RBM4: variants seen among roughly 807,000 people sequenced by gnomAD.
RBM4 encodes RNA binding motif protein 4.
In RBM4, 7 loss-of-function variants were observed where a neutral mutation model predicts 29.5. That is an observed-to-expected ratio of 0.24 (90% CI 0.14 to 0.45). The LOEUF (loss-of-function observed/expected upper bound fraction) is 0.45, where lower values mean the gene tolerates loss of function less well. Among genes scored for constraint, RBM4 ranks in the 20% least tolerant of loss-of-function variants. RBM4 has a pLI of 1.00. For missense variants in RBM4, 387 were observed against 502.3 expected (o/e 0.77, Z 2.19); for synonymous variants, 220 against 205.4 (o/e 1.07, Z -0.61).
At chr11:66,651,886 C>G (rs1403275717) in intron 2 of RBM4, among the ~76,000 whole-genome samples, 1 of 151,154 alleles carries the variant, frequency 6.6e-6, no homozygotes, top group Non-Finnish European at 1.5e-5. Flanking sequence ...GGGCTCTGTT[C>G]TATGGCATAA....
intron 2 of RBM4, among the ~76,000 whole-genome samples, chr11:66,653,362 A>ATTTTTT (rs71045956): frequency 7.4e-6 from 1 of 135,892 alleles, no homozygotes; most frequent in Non-Finnish European, 1.5e-5. Context: ...CTACTTAATG[A>ATTTTTT]TTTTTTTTTT....
rs771127066 is a variant in RBM4 at position 66,644,116 on chromosome 11, G to A, written c.1079G>A (p.Arg360Gln). Residue 360 changes from arginine (R) to glutamine (Q), a missense_variant, in exon 3 of 4, where the codon CGG becomes CAG. Arg to Gln is a conservative substitution (Grantham distance 43). Coordinates refer to ENST00000310092, the MANE Select transcript of RBM4 (RefSeq NM_002896.4). ...YEREQYADRA[R>Q]YSAF Reference sequence around the variant, plus strand: ...CGGGAGCAGTATGCCGATCGGGCGCGGTACTCAGCCTTTTAAAGCTTGAGG... The same window carrying A: ...CGGGAGCAGTATGCCGATCGGGCGCAGTACTCAGCCTTTTAAAGCTTGAGG... 5.6e-6 allele frequency: 9 copies of A among 1,613,298 alleles called. No homozygotes were observed. Among genetic ancestry groups the A allele is most frequent in the Admixed American group, 3.3e-5 (2 of 59,934 alleles).
At chr11:66,665,279 C>G (rs1187653464) in intron 2 of RBM4, 3 of 413,154 alleles carry the variant, frequency 7.3e-6, no homozygotes, top group African/African-American at 6.2e-5. Context: ...GATTCAACTC[C>G]TAGGGAAAGC....
At chr11:66,640,313 C>G (rs1938386917) in intron 2 of RBM4, 190 bp downstream of exon 2, 1 of 750,734 alleles carries the variant, frequency 1.3e-6, no homozygotes, top group Non-Finnish European at 2.1e-6. Context: ...AGGCAAATGT[C>G]TCCTGGAGAA....
At chr11:66,647,698 A>C (rs538085657), downstream of RBM4, among the ~76,000 whole-genome samples, 35 of 152,182 alleles carry the variant, frequency 2.3e-4, no homozygotes, top group Non-Finnish European at 4.6e-4. Flanking sequence ...GTATTCATTG[A>C]TTCAACAAAT....
At chr11:66,640,296 T>TTA in intron 2 of RBM4, 173 bp downstream of exon 2, 1 of 853,634 alleles carries the variant, frequency 1.2e-6, no homozygotes. Context: ...CTTAGGGGCT[T>TTA]TACCTTAGGC....
intron 2 of RBM4, among the ~76,000 whole-genome samples, chr11:66,660,152 A>G (rs1418330080): frequency 7.0e-6 from 1 of 141,924 alleles, no homozygotes; most frequent in Non-Finnish European, 1.5e-5. Flanking sequence ...TTTTTTTTAA[A>G]TCTGAAGGGA....
intron 3 of RBM4, 42 bp downstream of exon 3, chr11:66,644,182 C>T (rs1938589956): frequency 1.3e-6 from 2 of 1,569,636 alleles, no homozygotes; most frequent in South Asian, 2.4e-5. Context: ...TTTGCCATCC[C>T]TCCTGCAGCC....
At chr11:66,663,538 G>A (rs1442514167) in intron 2 of RBM4, among the ~76,000 whole-genome samples, 4 of 151,896 alleles carry the variant, frequency 2.6e-5, no homozygotes, top group Non-Finnish European at 5.9e-5. Flanking sequence ...CTAATTTTTT[G>A]TATTTTAGTC....
chr11:66,663,917 T>C (rs904819526), intron 2 of RBM4, among the ~76,000 whole-genome samples: 1 of 152,102 alleles, frequency 6.6e-6, no homozygotes, highest in Non-Finnish European at 1.5e-5. Context: ...TAGAGAAAAG[T>C]AGCCTCACCA....
At chr11:66,656,003 T>G (rs533613148) in intron 2 of RBM4, among the ~76,000 whole-genome samples, 1 of 152,198 alleles carries the variant, frequency 6.6e-6, no homozygotes, top group South Asian at 2.1e-4. Context: ...GGAGTTTTGC[T>G]TTTGTTGCCC....
downstream of RBM4, among the ~76,000 whole-genome samples, chr11:66,648,921 T>C (rs1005846426): frequency 3.3e-5 from 5 of 151,320 alleles, no homozygotes; most frequent in Non-Finnish European, 5.9e-5. Flanking sequence ...GAGTAGTTTT[T>C]TCATGACTCA....
rs964265406 is a variant in RBM4 at position 66,643,149 on chromosome 11, G to T, written c.413-301G>T. Among the ~76,000 whole-genome samples, 1 of 152,190 alleles carries T rather than the reference G, an allele frequency of 6.6e-6. No individual in the cohort carries two copies. The highest frequency in any genetic ancestry group is 6.6e-5 in the Admixed American group (1 of 15,266). On this transcript the variant is annotated intron_variant, in intron 2 of 3. Coordinates refer to ENST00000310092, the MANE Select transcript of RBM4 (RefSeq NM_002896.4). This position sits in a 1 kb window ranked among gnomAD's most constrained non-coding sequence, Gnocchi z 6.1. ...TGACTTCTTTTGACTTTGAGCCGCT[G>T]TTTGGAGATGATTTTTACCTGTTTG...
In RBM4 at chr11:66,643,475, C is replaced by A. The variant is rs756553488; in HGVS notation, c.438C>A (p.Ser146=). ...FQGKRMHVQL[S]TSRLRTAPGM... is the part of the protein sequence containing the mutation. Reference sequence around the variant, plus strand: ...GCAAACGAATGCACGTGCAGTTGTCCACCAGCCGGCTTAGGACTGCGCCCG... The same window carrying A: ...GCAAACGAATGCACGTGCAGTTGTCAACCAGCCGGCTTAGGACTGCGCCCG... Residue 146 remains serine, a synonymous_variant, in exon 3 of 4, where the codon TCC becomes TCA. Coordinates refer to ENST00000310092, the MANE Select transcript of RBM4 (RefSeq NM_002896.4). The surrounding 1 kb of genome is among the most constrained non-coding windows in gnomAD (Gnocchi z 6.1). 1 of 1,611,440 alleles carries A rather than the reference C, an allele frequency of 6.2e-7. No homozygotes were observed. The highest frequency in any genetic ancestry group is 1.7e-5 in the Admixed American group (1 of 59,932).
intron 1 of RBM4, 62 bp from the exon 2 acceptor site, chr11:66,639,638 G>A: frequency 6.4e-7 from 1 of 1,557,006 alleles, no homozygotes; most frequent in Non-Finnish European, 8.7e-7. Flanking sequence ...GAAAGTCGTT[G>A]TCTTTTGTGA....
chr11:66,653,435 C>T (rs552498627), intron 2 of RBM4, among the ~76,000 whole-genome samples: 2 of 148,416 alleles, frequency 1.3e-5, no homozygotes, highest in Non-Finnish European at 3.0e-5. Context: ...GATCTCGGCT[C>T]ACTGCAACCT....
At chr11:66,650,430 G>C (rs992344000), downstream of RBM4, among the ~76,000 whole-genome samples, 1 of 152,112 alleles carries the variant, frequency 6.6e-6, no homozygotes, top group Non-Finnish European at 1.5e-5. Flanking sequence ...AATTAGCCGG[G>C]CATGGTGGTG....
chr11:66,643,899 G>A lies in RBM4; in HGVS notation c.862G>A (p.Ala288Thr). ...PTSGAAATAAAAAAAAAAVTA... is the reference protein window; with the variant it reads ...PTSGAAATAATAAAAAAAVTA... ...CTCAGGAGCTGCTGCCACAGCTGCT[G>A]CTGCAGCAGCAGCCGCTGCTGCTGT... The change falls in exon 3 of 4, where the codon GCT (alanine) becomes ACT (threonine). Residue 288 changes from alanine to threonine, a missense_variant. Ala to Thr is a moderately conservative substitution (Grantham distance 58). This residue lies in a region of RBM4 where 281 missense variants were observed against 288.7 expected (regional missense o/e 0.97). Coordinates refer to ENST00000310092, the MANE Select transcript of RBM4 (RefSeq NM_002896.4). The surrounding 1 kb of genome is among the most constrained non-coding windows in gnomAD (Gnocchi z 6.1). The A allele has an allele frequency of 1.2e-6, 2 of 1,611,662 alleles. No homozygotes were observed. The highest frequency in any genetic ancestry group is 1.7e-6 in the Non-Finnish European group (2 of 1,179,294).
At chr11:66,662,872 C>T (rs1165029136) in intron 2 of RBM4, among the ~76,000 whole-genome samples, 2 of 152,160 alleles carry the variant, frequency 1.3e-5, no homozygotes, top group African/African-American at 2.4e-5. Context: ...AAAACAGAGA[C>T]AGTCTTGCTT....
Sources: allele counts gnomAD v4.1 joint callset (sites outside exome capture counted in the v4.1 genomes callset), GRCh38; gene constraint gnomAD v4.1.1; regional missense constraint gnomAD v4.1.1; non-coding constraint Gnocchi (gnomAD v3.1); transcripts MANE v1.5; gene names NCBI Gene and HGNC (gene_info 2026-07-23, HGNC 2026-07-21).